GRIP1: variants seen among roughly 807,000 people sequenced by gnomAD.
GRIP1 encodes glutamate receptor-interacting protein 1.
A neutral mutation model predicts 129.9 loss-of-function variants in GRIP1; 45 were observed. The ratio of observed to expected loss-of-function variants is 0.35; its 90% CI spans 0.27 to 0.44. The LOEUF (loss-of-function observed/expected upper bound fraction) is 0.44, where lower values mean the gene tolerates loss of function less well. GRIP1 is among the 20% of genes least tolerant of loss of function. The probability of loss-of-function intolerance (pLI) is 1.00; values close to 1 mark genes in which losing one functional copy is unlikely to be tolerated. For synonymous variants in GRIP1, 530 were observed against 520.8 expected (o/e 1.02, Z -0.24); for missense variants, 1,196 against 1,396.8 (o/e 0.86, Z 2.29).
chr12:66,655,956 T>C (rs183931163), intron 1 of GRIP1, among the ~76,000 whole-genome samples: 2 of 152,282 alleles, frequency 1.3e-5, no homozygotes, highest in Admixed American at 6.5e-5. Flanking sequence ...AGCTAGTGTA[T>C]TGATATATCA....
chr12:66,963,607 G>A lies in GRIP1; in HGVS notation c.58+105443C>T, dbSNP rs182955605. Among the ~76,000 whole-genome samples, 5 of 152,266 alleles carry A rather than the reference G, an allele frequency of 3.3e-5. No homozygotes were observed. The East Asian group carries it at 9.6e-4, about 29-fold the overall frequency. On this transcript the variant is annotated intron_variant, in intron 1 of 1. Coordinates refer to the GRIP1 transcript ENST00000643019. ...AAACATAACAATAAGGAATTCAAGA[G>A]TTTTTTGGAAGTGCAGTAAACTTTT...
rs568920458 is a variant in GRIP1, at chr12:66,953,794, G to A, written c.58+115256C>T. Among the ~76,000 whole-genome samples, 22 of 152,270 alleles carry A rather than the reference G, an allele frequency of 1.4e-4. No homozygotes were observed. The South Asian group carries it at 4.4e-3, about 30-fold the overall frequency. On this transcript the variant is annotated intron_variant, in intron 1 of 1. Coordinates refer to the GRIP1 transcript ENST00000643019. ...AAACTGAATAACACTGAGTAATTCT[G>A]TATCAGCTACTAAATGACAAGCCAA...
At chr12:66,568,379 GA>G in intron 2 of GRIP1, 1 of 169,118 alleles carries the variant, frequency 5.9e-6, no homozygotes. Context: ...CCTCTTTCAA[GA>G]AAAAATGGTG....
At chr12:66,940,979 A>C (rs2041574991) in intron 1 of GRIP1, among the ~76,000 whole-genome samples, 1 of 152,168 alleles carries the variant, frequency 6.6e-6, no homozygotes. Flanking sequence ...TAGTTGAATA[A>C]GTAGAATTTC....
At chr12:66,852,730 T>G (rs2039936571) in intron 1 of GRIP1, among the ~76,000 whole-genome samples, 1 of 151,900 alleles carries the variant, frequency 6.6e-6, no homozygotes, top group South Asian at 2.1e-4. Context: ...AGATGTCAAC[T>G]CTAATGATTT....
intron 11 of GRIP1, 134 bp from the exon 12 acceptor site, chr12:66,445,642 T>C (rs930633093): frequency 3.2e-6 from 2 of 619,506 alleles, no homozygotes; most frequent in Admixed American, 2.9e-5. Flanking sequence ...GCCTCTGGTT[T>C]AGCAAGAGTT....
intron 15 of GRIP1, among the ~76,000 whole-genome samples, chr12:66,412,695 A>G (rs2057444435): frequency 6.6e-6 from 1 of 152,214 alleles, no homozygotes; most frequent in Admixed American, 6.5e-5. Flanking sequence ...GGCAAACTGG[A>G]TAAAGAGAGA....
chr12:66,618,770 C>T (rs939089310), intron 1 of GRIP1, among the ~76,000 whole-genome samples: 4 of 152,052 alleles, frequency 2.6e-5, no homozygotes, highest in Admixed American at 2.0e-4. Flanking sequence ...TCCTTCACTT[C>T]ATACTTGTAA....
intron 1 of GRIP1, among the ~76,000 whole-genome samples, chr12:66,756,168 C>T (rs2037281968): frequency 6.6e-6 from 1 of 152,132 alleles, no homozygotes; most frequent in East Asian, 1.9e-4. Context: ...ACCCCATGCC[C>T]ACTGAGCACC....
At chr12:66,421,663 C>CTTT (rs11380847) in intron 14 of GRIP1, among the ~76,000 whole-genome samples, 5 of 142,514 alleles carry the variant, frequency 3.5e-5, no homozygotes, top group African/African-American at 1.0e-4. Context: ...TGGAATGTGA[C>CTTT]TTTTTTTTTT....
chr12:66,874,933 G>C (rs17247399), intron 1 of GRIP1, among the ~76,000 whole-genome samples: 1 of 126,448 alleles, frequency 7.9e-6, no homozygotes, highest in African/African-American at 3.1e-5. Flanking sequence ...AGCAGCCTTT[G>C]TACATTCTAA....
chr12:66,577,945 T>C (rs2870853), intron 2 of GRIP1, among the ~76,000 whole-genome samples: 37,408 of 152,040 alleles, frequency 0.25, 4,740 homozygotes, highest in Admixed American at 0.28. Flanking sequence ...CAGAGCAAGA[T>C]CCTGCTTTAA....
At chr12:66,480,510 C>T (rs925336819) in intron 7 of GRIP1, among the ~76,000 whole-genome samples, 5 of 152,062 alleles carry the variant, frequency 3.3e-5, no homozygotes, top group Non-Finnish European at 5.9e-5. Context: ...AGGTTCAGTG[C>T]TATCCTCATC....
At chr12:67,059,324 T>C (rs2043491750) in intron 1 of GRIP1, among the ~76,000 whole-genome samples, 2 of 152,196 alleles carry the variant, frequency 1.3e-5, no homozygotes, top group South Asian at 2.1e-4. Context: ...GTCCAGGAAG[T>C]CCAAATGAGC....
intron 1 of GRIP1, among the ~76,000 whole-genome samples, chr12:66,790,571 G>A (rs2038499183): frequency 6.6e-6 from 1 of 152,104 alleles, no homozygotes; most frequent in African/African-American, 2.4e-5. Flanking sequence ...TAAAGTAGAT[G>A]AAATAGATAA....
chr12:66,731,182 T>C (rs1434033929), intron 1 of GRIP1, among the ~76,000 whole-genome samples: 1 of 152,098 alleles, frequency 6.6e-6, no homozygotes, highest in Non-Finnish European at 1.5e-5. Flanking sequence ...AAGAAAGAAA[T>C]AGGTTTCACG....
intron 1 of GRIP1, among the ~76,000 whole-genome samples, chr12:66,899,450 A>T (rs1163674979): frequency 5.6e-5 from 6 of 106,880 alleles, no homozygotes; most frequent in Non-Finnish European, 9.1e-5. Context: ...TACATTCTCA[A>T]ACTCCTGAAC....
At chr12:66,875,100 G>T (rs1258648174) in intron 1 of GRIP1, among the ~76,000 whole-genome samples, 1 of 151,954 alleles carries the variant, frequency 6.6e-6, no homozygotes, top group Non-Finnish European at 1.5e-5. Context: ...ATAAGCATTT[G>T]TAAAATGACA....
chr12:66,881,501 A>G (rs1354359883), intron 1 of GRIP1, among the ~76,000 whole-genome samples: 1 of 152,154 alleles, frequency 6.6e-6, no homozygotes, highest in Admixed American at 6.6e-5. Flanking sequence ...TTCTTTCCTG[A>G]GACCTGGTAG....
Sources: allele counts gnomAD v4.1 joint callset (sites outside exome capture counted in the v4.1 genomes callset), GRCh38; gene constraint gnomAD v4.1.1; transcripts MANE v1.5; gene names NCBI Gene and HGNC (gene_info 2026-07-23, HGNC 2026-07-21).